The following HNF4G variants were observed in gnomAD, a reference collection of about 807,000 sequenced individuals.
HNF4G encodes the protein hepatocyte nuclear factor 4-gamma.
In HNF4G, 21 loss-of-function variants were observed where a neutral mutation model predicts 50.9. The ratio of observed to expected loss-of-function variants is 0.41; its 90% CI spans 0.29 to 0.59. The LOEUF (loss-of-function observed/expected upper bound fraction) is 0.59, where lower values mean the gene tolerates loss of function less well. Among genes scored for constraint, HNF4G ranks in the 20% least tolerant of loss-of-function variants. The probability of loss-of-function intolerance (pLI) is 0.26; values close to 1 mark genes in which losing one functional copy is unlikely to be tolerated. For synonymous variants in HNF4G, 198 were observed against 185.6 expected (o/e 1.07, Z -0.54); for missense variants, 527 against 559.4 (o/e 0.94, Z 0.58).
chr8:75,413,866 AAAAAAAAT>A (rs1260051203), intron 1 of HNF4G, among the ~76,000 whole-genome samples: 1 of 151,872 alleles, frequency 6.6e-6, no homozygotes, highest in African/African-American at 2.4e-5. Flanking sequence ...AAAAGATTTA[AAAAAAAAT>A]AAAAAAATTA....
intron 1 of HNF4G, among the ~76,000 whole-genome samples, chr8:75,422,611 T>G (rs990142317): frequency 6.6e-6 from 1 of 152,120 alleles, no homozygotes; most frequent in African/African-American, 2.4e-5. Flanking sequence ...TCATGTTCTC[T>G]GAAAACTTAT....
intron 1 of HNF4G, among the ~76,000 whole-genome samples, chr8:75,433,259 T>A (rs574977185): frequency 7.8e-4 from 118 of 151,650 alleles, no homozygotes; most frequent in African/African-American, 2.7e-3. Context: ...AAGAAAAAAA[T>A]TAGCCAGGCA....
intron 4 of HNF4G, 72 bp from the exon 5 acceptor site, chr8:75,552,970 T>G (rs1585951008): frequency 3.6e-6 from 4 of 1,105,792 alleles, no homozygotes; most frequent in East Asian, 5.2e-5. Flanking sequence ...CTTATCATAG[T>G]CAAAAGAAAA....
chr8:75,498,167 T>C (rs993909776), intron 2 of HNF4G, among the ~76,000 whole-genome samples: 2 of 152,152 alleles, frequency 1.3e-5, no homozygotes, highest in Non-Finnish European at 2.9e-5. Context: ...TAATTATGTC[T>C]CTTCATTTTG....
At chr8:75,456,529 G>A (rs926230524) in intron 1 of HNF4G, among the ~76,000 whole-genome samples, 32 of 151,896 alleles carry the variant, frequency 2.1e-4, no homozygotes, top group African/African-American at 7.5e-4. Context: ...TATCTTGTTT[G>A]GGCCATTTTT....
At chr8:75,495,465 G>A (rs1429658781) in intron 2 of HNF4G, 1 of 151,780 alleles carries the variant, frequency 6.6e-6, no homozygotes, top group Non-Finnish European at 1.5e-5. Context: ...GTCTCTGCCT[G>A]AGCATTCTGT....
At chr8:75,456,423 T>C (rs1253281196) in intron 1 of HNF4G, among the ~76,000 whole-genome samples, 1 of 152,166 alleles carries the variant, frequency 6.6e-6, no homozygotes, top group Non-Finnish European at 1.5e-5. Flanking sequence ...AAAAATCCCT[T>C]TTTTATCTTC....
chr8:75,528,451 A>G (rs984776201), intron 2 of HNF4G, among the ~76,000 whole-genome samples: 4 of 152,154 alleles, frequency 2.6e-5, no homozygotes, highest in Non-Finnish European at 5.9e-5. Context: ...CTCTCACAGC[A>G]TTACTGTGAT....
At chr8:75,549,961 A>G (rs1249277224) in intron 3 of HNF4G, among the ~76,000 whole-genome samples, 1 of 152,126 alleles carries the variant, frequency 6.6e-6, no homozygotes, top group Non-Finnish European at 1.5e-5. Context: ...ATGGCTGCAT[A>G]GTATTCCATG....
At chr8:75,500,650 G>C (rs1242213045) in intron 2 of HNF4G, among the ~76,000 whole-genome samples, 3 of 151,970 alleles carry the variant, frequency 2.0e-5, no homozygotes, top group East Asian at 3.9e-4. Flanking sequence ...AAGAAAATGG[G>C]TTATATTCAT....
chr8:75,542,051 A>C (rs1364893066), intron 1 of HNF4G, among the ~76,000 whole-genome samples: 1 of 152,210 alleles, frequency 6.6e-6, no homozygotes, highest in Non-Finnish European at 1.5e-5. Context: ...CTATAGTCCC[A>C]GCACTTTGGG....
intron 1 of HNF4G, among the ~76,000 whole-genome samples, chr8:75,474,609 G>C (rs1812194762): frequency 1.3e-5 from 2 of 152,040 alleles, no homozygotes; most frequent in Non-Finnish European, 1.5e-5. Flanking sequence ...CTTTTGGTTG[G>C]AGTTTGTCTG....
At chr8:75,408,597 T>A (rs1478486462) in intron 1 of HNF4G, among the ~76,000 whole-genome samples, 1 of 152,232 alleles carries the variant, frequency 6.6e-6, no homozygotes, top group Non-Finnish European at 1.5e-5. Flanking sequence ...GGATGAAATG[T>A]CCTTTGGAAG....
At chr8:75,546,618 A>G (rs1339744835) in intron 2 of HNF4G, among the ~76,000 whole-genome samples, 1 of 152,100 alleles carries the variant, frequency 6.6e-6, no homozygotes, top group African/African-American at 2.4e-5. Context: ...CATACGATAT[A>G]TGATCTCTTG....
intron 1 of HNF4G, among the ~76,000 whole-genome samples, chr8:75,473,227 T>A (rs1038169439): frequency 4.0e-5 from 6 of 151,244 alleles, no homozygotes; most frequent in African/African-American, 9.7e-5. Context: ...GAGAATGGCA[T>A]GAACCCAGGA....
At chr8:75,473,008 G>A (rs905730142) in intron 1 of HNF4G, among the ~76,000 whole-genome samples, 9 of 152,202 alleles carry the variant, frequency 5.9e-5, no homozygotes, top group East Asian at 1.9e-4. Flanking sequence ...AGTGAGTCAC[G>A]ATTTACATAT....
intron 1 of HNF4G, among the ~76,000 whole-genome samples, chr8:75,426,629 C>A (rs1338464417): frequency 6.6e-6 from 1 of 151,928 alleles, no homozygotes; most frequent in African/African-American, 2.4e-5. Context: ...GAGGTGCAGA[C>A]CAGACAATGT....
chr8:75,450,857 T>A (rs1811567466), intron 1 of HNF4G, among the ~76,000 whole-genome samples: 2 of 151,876 alleles, frequency 1.3e-5, no homozygotes, highest in Admixed American at 1.3e-4. Context: ...ATCTCTAGAG[T>A]GGGTTTGTTA....
intron 2 of HNF4G, among the ~76,000 whole-genome samples, chr8:75,523,694 AT>A (rs1235930399): frequency 6.6e-6 from 1 of 151,988 alleles, no homozygotes; most frequent in Non-Finnish European, 1.5e-5. Flanking sequence ...GATGCAATGA[AT>A]TTTTTAAAAA....
Sources: allele counts gnomAD v4.1 joint callset (sites outside exome capture counted in the v4.1 genomes callset), GRCh38; gene constraint gnomAD v4.1.1; transcripts MANE v1.5; gene names NCBI Gene and HGNC (gene_info 2026-07-23, HGNC 2026-07-21).